The following TBC1D32 variants were observed in gnomAD, a reference collection of about 807,000 sequenced individuals.
The protein encoded by TBC1D32 is protein broad-minded.
TBC1D32 carries 151 observed loss-of-function variants against 170.3 expected under a neutral mutation model. The ratio of observed to expected loss-of-function variants is 0.89; its 90% confidence interval spans 0.78 to 1.01. TBC1D32 has a LOEUF of 1.01. Among genes scored for constraint, TBC1D32 ranks in the 50% least tolerant of loss-of-function variants. The probability of loss-of-function intolerance (pLI) is 0.00; values close to 1 mark genes in which losing one functional copy is unlikely to be tolerated. For missense variants in TBC1D32, 1,464 were observed against 1,457.1 expected (o/e 1.00, Z -0.08); for synonymous variants, 498 against 488.0 (o/e 1.02, Z -0.27).
intron 24 of TBC1D32, among the ~76,000 whole-genome samples, chr6:121,138,855 T>TA (rs1471315115): frequency 1.3e-5 from 2 of 151,782 alleles, no homozygotes; most frequent in African/African-American, 2.4e-5. Context: ...TTTCTTTTTT[T>TA]TTTTTTTGAG....
intron 3 of TBC1D32, among the ~76,000 whole-genome samples, chr6:121,314,043 C>G (rs549997940): frequency 6.4e-4 from 98 of 152,306 alleles, no homozygotes; most frequent in South Asian, 1.5e-3. Flanking sequence ...AAAACCTACT[C>G]AAGAAAAATC....
intron 12 of TBC1D32, among the ~76,000 whole-genome samples, chr6:121,284,526 A>C (rs1803507783): frequency 6.6e-6 from 1 of 152,168 alleles, no homozygotes. Context: ...AAAAGATAAA[A>C]ACCATTCTTA....
intron 20 of TBC1D32, among the ~76,000 whole-genome samples, chr6:121,228,295 T>C (rs1316514354): frequency 3.3e-5 from 5 of 152,100 alleles, no homozygotes; most frequent in Non-Finnish European, 5.9e-5. Flanking sequence ...ATTATTTCCC[T>C]TGTTGTATTG....
At chr6:121,096,568 C>T (rs545241370) in intron 30 of TBC1D32, among the ~76,000 whole-genome samples, 5 of 152,236 alleles carry the variant, frequency 3.3e-5, no homozygotes, top group Non-Finnish European at 7.4e-5. Flanking sequence ...AATGGAAAAA[C>T]ATTCCATGCT....
chr6:121,310,031 T>A (rs1807939957), intron 4 of TBC1D32, among the ~76,000 whole-genome samples: 1 of 151,820 alleles, frequency 6.6e-6, no homozygotes, highest in South Asian at 2.1e-4. Flanking sequence ...TAAGACCCTA[T>A]CTTAAATATA....
At chr6:121,325,604 G>A (rs187356645) in intron 1 of TBC1D32, among the ~76,000 whole-genome samples, 5 of 152,028 alleles carry the variant, frequency 3.3e-5, no homozygotes, top group Non-Finnish European at 5.9e-5. Context: ...CCTTCCTTAC[G>A]CCTTATACAA....
At chr6:121,116,098 A>G (rs2128201775) in intron 26 of TBC1D32, among the ~76,000 whole-genome samples, 1 of 152,202 alleles carries the variant, frequency 6.6e-6, no homozygotes, top group Non-Finnish European at 1.5e-5. Context: ...ATGCACACAC[A>G]ATTAAGAGAC....
At chr6:121,212,018 C>T (rs1793134818) in intron 21 of TBC1D32, among the ~76,000 whole-genome samples, 2 of 152,106 alleles carry the variant, frequency 1.3e-5, no homozygotes, top group African/African-American at 4.8e-5. Context: ...CACACACACA[C>T]ACACACACAC....
At chr6:121,259,688 C>T (rs1327959094) in intron 15 of TBC1D32, among the ~76,000 whole-genome samples, 1 of 152,114 alleles carries the variant, frequency 6.6e-6, no homozygotes, top group Non-Finnish European at 1.5e-5. Context: ...CATAGAGAAA[C>T]CTGAATTATC....
At chr6:121,171,669 G>A (rs939161505) in intron 22 of TBC1D32, among the ~76,000 whole-genome samples, 17 of 152,036 alleles carry the variant, frequency 1.1e-4, no homozygotes, top group Admixed American at 3.9e-4. Flanking sequence ...AAATGTATGT[G>A]GAGGGAGGGA....
intron 19 of TBC1D32, among the ~76,000 whole-genome samples, chr6:121,240,357 ATTTTTTTT>A (rs35946120): frequency 0.038 from 2,889 of 75,428 alleles, 162 homozygotes; most frequent in Admixed American, 0.17. Context: ...GTTTAGGACA[ATTTTTTTT>A]TTTTTTTTTT....
chr6:121,214,872 G>A (rs965612622), intron 21 of TBC1D32, among the ~76,000 whole-genome samples: 2 of 152,194 alleles, frequency 1.3e-5, no homozygotes, highest in African/African-American at 4.8e-5. Flanking sequence ...CAACTGGAGG[G>A]TGAGCAAAGC....
chr6:121,249,394 G>C (rs1284821708), intron 17 of TBC1D32, among the ~76,000 whole-genome samples: 1 of 151,670 alleles, frequency 6.6e-6, no homozygotes, highest in Non-Finnish European at 1.5e-5. Flanking sequence ...CATTCCCCCT[G>C]AGAGCTGAAA....
chr6:121,217,844 T>G (rs1029185296), intron 21 of TBC1D32, among the ~76,000 whole-genome samples: 1 of 152,190 alleles, frequency 6.6e-6, no homozygotes, highest in African/African-American at 2.4e-5. Context: ...ATCAAGGTGT[T>G]AGGGAGGCAA....
intron 9 of TBC1D32, among the ~76,000 whole-genome samples, chr6:121,302,541 T>C (rs1312452397): frequency 6.6e-6 from 1 of 151,616 alleles, no homozygotes; most frequent in African/African-American, 2.4e-5. Context: ...CTGATTTTGT[T>C]AAAAAAAAGA....
At chr6:121,096,251 T>C (rs999522734) in intron 30 of TBC1D32, 3 of 152,118 alleles carry the variant, frequency 2.0e-5, no homozygotes, top group East Asian at 3.9e-4. Context: ...TGATGGTACT[T>C]TGTATTTCTG....
At chr6:121,271,998 A>C (rs1007811935) in intron 15 of TBC1D32, among the ~76,000 whole-genome samples, 1 of 152,174 alleles carries the variant, frequency 6.6e-6, no homozygotes, top group African/African-American at 2.4e-5. Context: ...CAAAAACAAG[A>C]AATGGGGAAA....
intron 22 of TBC1D32, among the ~76,000 whole-genome samples, chr6:121,168,712 T>TAAAAAAAAAAAAAAAA (rs59283869): frequency 1.1e-5 from 1 of 93,896 alleles, no homozygotes; most frequent in African/African-American, 3.6e-5. Context: ...TAGAGTATAA[T>TAAAAAAAAAAAAAAAA]AAAAAAAAAA....
chr6:121,125,937 G>A (rs1780791823), intron 26 of TBC1D32, among the ~76,000 whole-genome samples: 1 of 152,176 alleles, frequency 6.6e-6, no homozygotes, highest in African/African-American at 2.4e-5. Flanking sequence ...TAGTGAGTTT[G>A]AGGGATTCTG....
Sources: gnomAD v4.1 joint callset for allele counts (sites outside exome capture counted in the v4.1 genomes callset) on GRCh38, gnomAD v4.1.1 for gene constraint, MANE v1.5 for transcripts, NCBI Gene and HGNC (gene_info 2026-07-23, HGNC 2026-07-21) for gene names.